The following DNAAF1 variants were observed in gnomAD, a reference collection of about 807,000 sequenced individuals.
The protein encoded by DNAAF1 is dynein axonemal assembly factor 1.
A neutral mutation model predicts 71.1 loss-of-function variants in DNAAF1; 65 were observed. The ratio of observed to expected loss-of-function variants is 0.91; its 90% CI spans 0.75 to 1.12. The LOEUF (loss-of-function observed/expected upper bound fraction) is 1.12. DNAAF1 is among the 50% of genes most tolerant of loss of function. The pLI is 0.00. For missense variants in DNAAF1, 1,178 were observed against 899.8 expected (o/e 1.31, Z -3.96); for synonymous variants, 414 against 354.6 (o/e 1.17, Z -1.88).
chr16:84,174,241 C>T lies in DNAAF1; in HGVS notation c.1645-428C>T, dbSNP rs551091699. On this transcript the variant is annotated intron_variant, in intron 9 of 11. Coordinates refer to ENST00000378553, the MANE Select transcript of DNAAF1 (RefSeq NM_178452.6). ...TATGGACAAAGATACCGAACAAACA[C>T]CCACAATACAAAACAAAAAAGTCCT... The T allele has an allele frequency of 7.5e-6, 8 of 1,064,444 alleles. 1 individual carries two copies. The East Asian group carries it at 4.6e-4, about 62-fold the overall frequency. The allele number at this position is 1,064,444 out of a possible 1,614,324, so 65.9% of individuals were successfully genotyped here.
In DNAAF1 at chr16:84,172,072, T is replaced by G. The variant is rs9926314; in HGVS notation, c.1529-188T>G. ...TTTGCATTTTTAATAGACACGGGGG[T>G]TTCACTGTGTTGGCCAGGCTGGACT... On this transcript the variant is annotated intron_variant, in intron 8 of 11. Coordinates refer to ENST00000378553, the MANE Select transcript of DNAAF1 (RefSeq NM_178452.6). Among the ~76,000 whole-genome samples, 53,082 of 151,682 alleles carry G rather than the reference T, an allele frequency of 0.35. 9,298 individuals carry two copies. Among genetic ancestry groups the G allele is most frequent in the Admixed American group, 0.41 (6,291 of 15,258 alleles).
At position 84,176,258 on chromosome 16, in the gene DNAAF1, G is replaced by C. The variant is rs2288023; in HGVS notation, c.2024G>C (p.Ser675Thr). ...AGAGATGCTGCACCACTCACTTCCAGTGGAGACAGGGACAGCGACTTCCTT... is the reference window on the plus strand; with the variant it reads ...AGAGATGCTGCACCACTCACTTCCACTGGAGACAGGGACAGCGACTTCCTT... ...CQRDAAPLTS[S>T]GDRDSDFLAA... Residue 675 changes from serine (S) to threonine (T), a missense_variant, in exon 11 of 12, where the codon AGT becomes ACT. Physicochemically the swap from Ser to Thr is moderately conservative, Grantham distance 58. Coordinates refer to ENST00000378553, the MANE Select transcript of DNAAF1 (RefSeq NM_178452.6). 0.35 allele frequency: 558,113 copies of C among 1,613,384 alleles called. 100,057 individuals carry two copies. Among genetic ancestry groups the C allele is most frequent in the Admixed American group, 0.44 (26,692 of 60,008 alleles).
chr16:84,159,293 C>A, intron 5 of DNAAF1: 1 of 1,069,188 alleles, frequency 9.4e-7, no homozygotes, highest in Non-Finnish European at 1.2e-6. Context: ...TAAAATGGAT[C>A]CTGGCTGGGA....
intron 6 of DNAAF1, among the ~76,000 whole-genome samples, chr16:84,160,587 C>A (rs1466870252): frequency 6.6e-6 from 1 of 152,104 alleles, no homozygotes; most frequent in Non-Finnish European, 1.5e-5. Flanking sequence ...TTTAAACTCA[C>A]AAATTTAAAT....
In DNAAF1 at chr16:84,150,357, G is replaced by C. The variant is rs1230451828; in HGVS notation, c.352+15G>C. The C allele has an allele frequency of 1.9e-6, 3 of 1,573,832 alleles. No homozygotes were observed. Among genetic ancestry groups the C allele is most frequent in the Admixed American group, 3.3e-5 (2 of 59,986 alleles). ...ACACTTTAAAGGTAAGGACCTAAGAGAGGAAGTGCTTCACGTCAGGTGGAA... is the reference window on the plus strand; with the variant it reads ...ACACTTTAAAGGTAAGGACCTAAGACAGGAAGTGCTTCACGTCAGGTGGAA... On this transcript the variant is annotated intron_variant, in intron 3 of 11. Coordinates refer to ENST00000378553, the MANE Select transcript of DNAAF1 (RefSeq NM_178452.6).
chr16:84,159,743 A>G lies in DNAAF1; in HGVS notation c.810A>G (p.Val270=). ...QIPNYRRTVT[V]RLKHLTYLDD... ...CTAATTACAGAAGGACAGTCACTGT[A>G]CGACTAAAGCACTTAACATACCTGG... Residue 270 remains valine, a synonymous_variant, in exon 6 of 12, where the codon GTA becomes GTG. Coordinates refer to ENST00000378553, the MANE Select transcript of DNAAF1 (RefSeq NM_178452.6). The G allele has an allele frequency of 6.2e-7, 1 of 1,614,098 alleles. No homozygotes were observed.
chr16:84,146,910 C>G (rs1044150756), intron 1 of DNAAF1, among the ~76,000 whole-genome samples: 1 of 152,178 alleles, frequency 6.6e-6, no homozygotes, highest in African/African-American at 2.4e-5. Flanking sequence ...TTCCAGGCAA[C>G]AAATATATCT....
chr16:84,145,898 C>T (rs899474472), intron 1 of DNAAF1, among the ~76,000 whole-genome samples: 1 of 152,062 alleles, frequency 6.6e-6, no homozygotes, highest in African/African-American at 2.4e-5. Context: ...GAGTTCGAGA[C>T]CAGCCTGGCC....
In DNAAF1 at chr16:84,145,570, G is replaced by C; in HGVS notation, c.124+6G>C. Reference sequence around the variant, plus strand: ...CCGAGGGGGCTGCAAGGAAGGTGCCGACTGCCCCCCAGGGAGGGCGGTGGG... The same window carrying C: ...CCGAGGGGGCTGCAAGGAAGGTGCCCACTGCCCCCCAGGGAGGGCGGTGGG... On this transcript the variant is annotated splice_donor_region_variant and intron_variant, in intron 1 of 11. Transcript: ENST00000378553. The C allele has an allele frequency of 5.2e-6, 8 of 1,546,540 alleles. No individual in the cohort carries two copies. Among genetic ancestry groups the C allele is most frequent in the Non-Finnish European group, 7.0e-6 (8 of 1,146,388 alleles).
At chr16:84,156,243 A>C (rs2087421771) in intron 5 of DNAAF1, among the ~76,000 whole-genome samples, 1 of 152,212 alleles carries the variant, frequency 6.6e-6, no homozygotes, top group South Asian at 2.1e-4. Context: ...GATTACAGGC[A>C]AGAGCCATTG....
chr16:84,168,856 A>ACACACACACACACACACACT (rs1227607259), intron 7 of DNAAF1, among the ~76,000 whole-genome samples: 1 of 150,990 alleles, frequency 6.6e-6, no homozygotes, highest in African/African-American at 2.4e-5. Context: ...ACACACACAC[A>ACACACACACACACACACACT]CTTTGCTTTT....
At chr16:84,175,474 G>A (rs16962897) in intron 10 of DNAAF1, 32,227 of 203,842 alleles carry the variant, frequency 0.16, 3,588 homozygotes, top group African/African-American at 0.35. Flanking sequence ...ATTACCAGGA[G>A]CCCACACGTG....
chr16:84,173,389 G>A (rs978387139), intron 9 of DNAAF1: 5 of 732,700 alleles, frequency 6.8e-6, no homozygotes, highest in Non-Finnish European at 8.3e-6. Flanking sequence ...GCAGGAACCT[G>A]GGAGGTGGAG....
chr16:84,172,407 A>G (rs772186727), intron 9 of DNAAF1, 32 bp downstream of exon 9: 10 of 1,610,758 alleles, frequency 6.2e-6, no homozygotes, highest in East Asian at 2.2e-5. Flanking sequence ...GGAGATAAGT[A>G]TCAGTTTTAC....
In DNAAF1 at chr16:84,145,489, G is replaced by C; in HGVS notation, c.49G>C (p.Asp17His). 1.9e-6 allele frequency: 3 copies of C among 1,572,874 alleles called. No individual in the cohort carries two copies. Among genetic ancestry groups the C allele is most frequent in the Non-Finnish European group, 2.6e-6 (3 of 1,159,176 alleles). ...EPATGGAAEL[D>H]CAQEPGVEES... ...TGCGACAGGTGGTGCAGCAGAGCTG[G>C]ATTGCGCGCAGGAGCCCGGCGTGGA... is the stretch of plus-strand genomic sequence containing the variant. Residue 17 changes from aspartate to histidine, a missense_variant, in exon 1 of 12, where the codon GAT becomes CAT. Coordinates refer to ENST00000378553, the MANE Select transcript of DNAAF1 (RefSeq NM_178452.6).
chr16:84,172,423 G>A, intron 9 of DNAAF1, 48 bp downstream of exon 9: 6 of 1,602,032 alleles, frequency 3.7e-6, no homozygotes, highest in Non-Finnish European at 5.1e-6. Flanking sequence ...TTTACTGTTA[G>A]TAAAATAGGT....
Position 84,159,667 on chromosome 16 carries a change from T to A in DNAAF1, c.742-8T>A. ...GTAATCATTTTGGTTCTGCTTGTCT[T>A]CTTGCAGCGTGTACTGAATTTGATG... On this transcript the variant is annotated splice_polypyrimidine_tract_variant and splice_region_variant and intron_variant, in intron 5 of 11. Coordinates refer to ENST00000378553, the MANE Select transcript of DNAAF1 (RefSeq NM_178452.6). The A allele has an allele frequency of 6.2e-7, 1 of 1,608,662 alleles. No individual in the cohort carries two copies. The highest frequency in any genetic ancestry group is 8.5e-7 in the Non-Finnish European group (1 of 1,176,852).
chr16:84,148,260 G>A (rs1200268716), intron 1 of DNAAF1, among the ~76,000 whole-genome samples: 1 of 151,864 alleles, frequency 6.6e-6, no homozygotes, highest in Non-Finnish European at 1.5e-5. Context: ...TTTATATATG[G>A]TATCCTGTGC....
chr16:84,170,143 GA>G lies in DNAAF1; in HGVS notation c.1316del (p.Glu439GlyfsTer41). The G allele has an allele frequency of 6.3e-7, 1 of 1,586,302 alleles. No homozygotes were observed. Among genetic ancestry groups the G allele is most frequent in the East Asian group, 2.4e-5 (1 of 42,158 alleles). On this transcript the variant is annotated frameshift_variant, in exon 8 of 12. Transcript: ENST00000378553. LOFTEE classifies it high-confidence loss of function. ...VKGEDGDGEPEGTLPAEAPPP... is the reference protein window; with the variant it reads ...VKGEDGDGEPXGTLPAEAPPP... ...AGGAGAGGACGGAGATGGAGAGCCA[GA>G]GGGGACCCTCCCAGCTGAGGCCCCA...
Sources: allele counts gnomAD v4.1 joint callset (sites outside exome capture counted in the v4.1 genomes callset), GRCh38; gene constraint gnomAD v4.1.1; transcripts MANE v1.5; gene names NCBI Gene and HGNC (gene_info 2026-07-23, HGNC 2026-07-21).